Variants in ABCF1 observed in about 807,000 individuals in gnomAD.
ABCF1 encodes ATP-binding cassette sub-family F member 1.
Under a neutral mutation model 126.3 loss-of-function variants are expected in ABCF1, and 73 were observed. That is an observed-to-expected ratio of 0.58 (90% confidence interval 0.48 to 0.70). ABCF1 has a LOEUF of 0.70. ABCF1 is among the 30% of genes least tolerant of loss of function. The probability of loss-of-function intolerance (pLI) is 0.00; values close to 1 mark genes in which losing one functional copy is unlikely to be tolerated. For synonymous variants in ABCF1, 345 were observed against 396.4 expected (o/e 0.87, Z 1.54); for missense variants, 786 against 1,057.5 (o/e 0.74, Z 3.56).
At chr6:30,588,611 G>A (rs948029828) in intron 20 of ABCF1, among the ~76,000 whole-genome samples, 1 of 150,878 alleles carries the variant, frequency 6.6e-6, no homozygotes, top group African/African-American at 2.4e-5. Context: ...TGCCTGCGTC[G>A]GCCTCCCAGA....
chr6:30,582,790 C>T (rs933548697), intron 9 of ABCF1, among the ~76,000 whole-genome samples: 1 of 152,154 alleles, frequency 6.6e-6, no homozygotes, highest in Non-Finnish European at 1.5e-5. Context: ...ACCTACCAGG[C>T]TCAAGTGATC....
Position 30,585,411 on chromosome 6 carries a change from T to C in ABCF1, c.1475+68T>C, listed in dbSNP as rs1561797067. 3.8e-6 allele frequency: 6 copies of C among 1,590,270 alleles called. No homozygotes were observed. In the South Asian group the frequency reaches 5.5e-5, roughly 15 times the overall value. On this transcript the variant is annotated intron_variant, in intron 15 of 24. Coordinates refer to ENST00000326195, the MANE Select transcript of ABCF1 (RefSeq NM_001025091.2). ...TCTTCCCCTTCCCTCCCTGCCCTGT[T>C]TTCCTTTAGCCCTTCTCCACTGTGC...
In ABCF1 at chr6:30,584,329, A is replaced by G; in HGVS notation, c.1240A>G (p.Lys414Glu). ...GDDTAAERLE[K>E]VYEELRATGA... ...TGACACAGCTGCTGAGAGGCTAGAG[A>G]AGGTAGAGGAGATGGCGCAGGGGAC... The change falls in exon 13 of 25, where the codon AAG becomes GAG. Residue 414 changes from lysine (K) to glutamate (E), a missense_variant and splice_region_variant. Lys to Glu is a moderately conservative substitution (Grantham distance 56). Coordinates refer to ENST00000326195, the MANE Select transcript of ABCF1 (RefSeq NM_001025091.2). The surrounding 1 kb of genome is among the most constrained non-coding windows in gnomAD (Gnocchi z 4.6). The G allele has an allele frequency of 2.5e-6, 4 of 1,613,032 alleles. No homozygotes were observed. Among genetic ancestry groups the G allele is most frequent in the Non-Finnish European group, 3.4e-6 (4 of 1,179,992 alleles).
At chr6:30,587,211 T>C (rs1216225039) in intron 20 of ABCF1, among the ~76,000 whole-genome samples, 1 of 150,366 alleles carries the variant, frequency 6.7e-6, no homozygotes, top group Non-Finnish European at 1.5e-5. Context: ...GATTGCACCA[T>C]TGCACTCCAG....
At chr6:30,576,481 G>A (rs988314966) in intron 1 of ABCF1, among the ~76,000 whole-genome samples, 6 of 151,470 alleles carry the variant, frequency 4.0e-5, no homozygotes, top group Non-Finnish European at 7.4e-5. Flanking sequence ...TAGAGACTGG[G>A]TTTCACCATG....
chr6:30,575,076 T>TTC (rs1801428486), intron 1 of ABCF1, among the ~76,000 whole-genome samples: 1 of 147,766 alleles, frequency 6.8e-6, no homozygotes, highest in African/African-American at 2.5e-5. Context: ...TTTTTCTTTT[T>TTC]TTTTTTTTTT....
rs968263750 is a variant in ABCF1, at chr6:30,574,656, A to G, written c.74-2753A>G. Among the ~76,000 whole-genome samples the G allele has an allele frequency of 6.6e-6, 1 of 151,556 alleles. No individual in the cohort carries two copies. The highest frequency in any genetic ancestry group is 6.6e-5 in the Admixed American group (1 of 15,222). ...ATTATTAATCCTGCACAATTTTTCA[A>G]CTCTCACACTAGTCACCCAATACTG... is the stretch of plus-strand genomic sequence containing the variant. On this transcript the variant is annotated intron_variant, in intron 1 of 24. Transcript: ENST00000326195. The surrounding 1 kb of genome is among the most constrained non-coding windows in gnomAD (Gnocchi z 4.3).
Position 30,583,228 on chromosome 6 carries a change from G to T in ABCF1, c.915+40G>T. The T allele has an allele frequency of 6.3e-7, 1 of 1,575,990 alleles. No individual in the cohort carries two copies. The highest frequency in any genetic ancestry group is 8.7e-7 in the Non-Finnish European group (1 of 1,155,076). Reference sequence around the variant, plus strand: ...GGCCCCTTCCAGTCCACTTACCTAGGGAAGAGCCAGTTCTCTCATCTTCCC... The same window carrying T: ...GGCCCCTTCCAGTCCACTTACCTAGTGAAGAGCCAGTTCTCTCATCTTCCC... On this transcript the variant is annotated intron_variant, in intron 10 of 24. Transcript: ENST00000326195. The surrounding 1 kb of genome is among the most constrained non-coding windows in gnomAD (Gnocchi z 4.1).
chr6:30,589,986 G>T lies in ABCF1; in HGVS notation c.2233+12G>T, dbSNP rs1802357540. 1 of 1,611,942 alleles carries T rather than the reference G, an allele frequency of 6.2e-7. No individual in the cohort carries two copies. Among genetic ancestry groups the T allele is most frequent in the African/African-American group, 1.3e-5 (1 of 74,888 alleles). On this transcript the variant is annotated intron_variant, in intron 22 of 24. Transcript: ENST00000326195. ...CTGCAAACTCTCTGGTACCACTTCA[G>T]GGGCCAGGGAGGGTGCCCTTCACCT...
At position 30,576,171 on chromosome 6, in the gene ABCF1, C is replaced by T. The variant is rs113463624; in HGVS notation, c.74-1238C>T. ...AAATTGAATTTATAATATCTTCTTCCTTCCTATAAGACCTTCTCTTCCACT... is the reference window on the plus strand; with the variant it reads ...AAATTGAATTTATAATATCTTCTTCTTTCCTATAAGACCTTCTCTTCCACT... On this transcript the variant is annotated intron_variant, in intron 1 of 24. Coordinates refer to ENST00000326195, the MANE Select transcript of ABCF1 (RefSeq NM_001025091.2). Among the ~76,000 whole-genome samples the T allele has an allele frequency of 1.5e-3, 231 of 150,276 alleles. 4 individuals carry two copies. Among genetic ancestry groups the T allele is most frequent in the African/African-American group, 5.0e-3 (203 of 40,902 alleles).
intron 6 of ABCF1, among the ~76,000 whole-genome samples, chr6:30,579,272 C>T (rs961932633): frequency 4.6e-5 from 7 of 151,962 alleles, no homozygotes; most frequent in African/African-American, 1.7e-4. Flanking sequence ...TAGTCTGAAG[C>T]TGGAGGGTAG....
Position 30,578,688 on chromosome 6 carries a change from T to C in ABCF1, c.489+111T>C, listed in dbSNP as rs1208232017. 7 of 980,048 alleles carry C rather than the reference T, an allele frequency of 7.1e-6. No homozygotes were observed. In the African/African-American group the frequency reaches 9.8e-5, roughly 14 times the overall value. The allele number at this position is 980,048 out of a possible 1,614,324, so 60.7% of individuals were successfully genotyped here. ...TCTTCTCGGTCTGTCTTACTTATAC[T>C]GTTAAAATCATCTTTTTAGAATACA... On this transcript the variant is annotated intron_variant, in intron 6 of 24. Transcript: ENST00000326195.
chr6:30,589,888 A>AC lies in ABCF1; in HGVS notation c.2149dup (p.Leu717ProfsTer39). ...ACTGAGTACCTGCAGCGGGGCTTCA[A>AC]CCTGCCCTACCAGGATGCCCGCAAG... On this transcript the variant is annotated frameshift_variant, in exon 22 of 25. Transcript: ENST00000326195. LOFTEE classifies it high-confidence loss of function. The AC allele has an allele frequency of 6.2e-7, 1 of 1,614,148 alleles. No homozygotes were observed. Among genetic ancestry groups the AC allele is most frequent in the South Asian group, 1.1e-5 (1 of 91,080 alleles).
intron 20 of ABCF1, among the ~76,000 whole-genome samples, chr6:30,588,050 G>A (rs1388328528): frequency 1.3e-5 from 2 of 151,870 alleles, no homozygotes; most frequent in East Asian, 2.0e-4. Flanking sequence ...TTATAGGTAC[G>A]CCCCACCATG....
chr6:30,578,052 T>A, intron 3 of ABCF1, 24 bp from the exon 4 acceptor site: 1 of 1,613,856 alleles, frequency 6.2e-7, no homozygotes, highest in Non-Finnish European at 8.5e-7. Context: ...CTTCATTTTC[T>A]CACTGTTCTT....
rs778413822 is a variant in ABCF1 at position 30,590,542 on chromosome 6, C to G, written c.2379C>G (p.Ile793Met). Residue 793 changes from isoleucine (I) to methionine (M), a missense_variant, in exon 25 of 25, where the codon ATC (isoleucine) becomes ATG (methionine). Coordinates refer to ENST00000326195, the MANE Select transcript of ABCF1 (RefSeq NM_001025091.2). ...TGCTATCTTTCTTCAAAGCTGTGAT[C>G]GTTGTCAGCCATGATGCCCGACTCA... ...EAINEYKGAVIVVSHDARLIT... is the reference protein window; with the variant it reads ...EAINEYKGAVMVVSHDARLIT... The G allele has an allele frequency of 6.2e-7, 1 of 1,609,478 alleles. No individual in the cohort carries two copies. The highest frequency in any genetic ancestry group is 1.1e-5 in the South Asian group (1 of 90,516).
In ABCF1 at chr6:30,586,016, C is replaced by T. The variant is rs1362381602; in HGVS notation, c.1713+25C>T. ...GGTGAGCACCTGAGGGACTTCTGGG[C>T]TGGGGGCCACTGTTCTCTCCTGGCA... On this transcript the variant is annotated intron_variant, in intron 17 of 24. Transcript: ENST00000326195. The surrounding 1 kb of genome is among the most constrained non-coding windows in gnomAD (Gnocchi z 4.9). 6.3e-7 allele frequency: 1 copy of T among 1,596,448 alleles called. No individual in the cohort carries two copies. The highest frequency in any genetic ancestry group is 1.8e-5 in the Admixed American group (1 of 56,896).
intron 2 of ABCF1, 76 bp downstream of exon 2, chr6:30,577,531 T>A: frequency 2.0e-6 from 3 of 1,513,620 alleles, no homozygotes; most frequent in Non-Finnish European, 2.7e-6. Flanking sequence ...GTGAAGGAGG[T>A]GGGAGGTCCA....
At chr6:30,589,619 AGTT>A (rs1180772564) in intron 20 of ABCF1, 66 bp from the exon 21 acceptor site, 1 of 1,471,660 alleles carries the variant, frequency 6.8e-7, no homozygotes, top group African/African-American at 1.4e-5. Context: ...AAAAAAAAAA[AGTT>A]GATGTATGGA....
Sources: allele counts gnomAD v4.1 joint callset (sites outside exome capture counted in the v4.1 genomes callset), GRCh38; gene constraint gnomAD v4.1.1; non-coding constraint Gnocchi (gnomAD v3.1); transcripts MANE v1.5; gene names NCBI Gene and HGNC (gene_info 2026-07-23, HGNC 2026-07-21).